Variants in SLC2A5 observed in about 807,000 individuals in gnomAD.
SLC2A5 encodes solute carrier family 2 member 5.
In SLC2A5, 56 loss-of-function variants were observed where a neutral mutation model predicts 50.3. The observed-to-expected ratio is 1.11, with a 90% CI of 0.90 to 1.39. The LOEUF (loss-of-function observed/expected upper bound fraction) is 1.39. Among genes scored for constraint, SLC2A5 ranks in the 40% most tolerant of loss-of-function variants. The probability of loss-of-function intolerance (pLI) is 0.00; values close to 1 mark genes in which losing one functional copy is unlikely to be tolerated. For missense variants in SLC2A5, 566 were observed against 650.1 expected (o/e 0.87, Z 1.41); for synonymous variants, 269 against 281.9 (o/e 0.95, Z 0.46).
intron 1 of SLC2A5, among the ~76,000 whole-genome samples, chr1:9,063,054 AT>A (rs1173615583): frequency 6.6e-6 from 1 of 152,174 alleles, no homozygotes; most frequent in Non-Finnish European, 1.5e-5. Context: ...AAGACTTGCT[AT>A]CCCATGAGGC....
chr1:9,084,087 T>C (rs1263489901), intron 2 of SLC2A5, among the ~76,000 whole-genome samples: 1 of 151,624 alleles, frequency 6.6e-6, no homozygotes, highest in Admixed American at 6.6e-5. Context: ...GAGATTGCAG[T>C]GAGCCGAGAT....
chr1:9,069,682 T>A (rs2124457255), upstream of SLC2A5: 12 of 820,264 alleles, frequency 1.5e-5, no homozygotes, highest in South Asian at 1.9e-4. Flanking sequence ...TAAGTCAGAA[T>A]AACCCTTTCA....
intron 1 of SLC2A5, among the ~76,000 whole-genome samples, chr1:9,067,781 G>A (rs138513054): frequency 1.2e-4 from 18 of 152,284 alleles, no homozygotes; most frequent in East Asian, 1.9e-4. Context: ...AGCCAGGGAC[G>A]CGGCTAAACA....
chr1:9,055,980 TTATCAGACTCCTAAG>T (rs1641740552), intron 3 of SLC2A5, among the ~76,000 whole-genome samples: 1 of 152,178 alleles, frequency 6.6e-6, no homozygotes, highest in African/African-American at 2.4e-5. Context: ...CAAATAGTGT[TTATCAGACTCCTAAG>T]TAGACAGCTC....
intron 1 of SLC2A5, among the ~76,000 whole-genome samples, chr1:9,087,184 A>C (rs1642410452): frequency 6.6e-6 from 1 of 150,856 alleles, no homozygotes; most frequent in South Asian, 2.1e-4. Context: ...CTGTCAAGCC[A>C]CATTTTGTGT....
At chr1:9,058,116 C>T (rs144847159) in intron 2 of SLC2A5, 36 bp downstream of exon 2, 143 of 1,517,080 alleles carry the variant, frequency 9.4e-5, no homozygotes, top group Middle Eastern at 1.7e-4. Flanking sequence ...CTGCTCCAAA[C>T]GTCCTCCCCA....
chr1:9,069,436 C>T (rs1030559269), intron 1 of SLC2A5, 68 bp downstream of exon 1: 2 of 1,565,020 alleles, frequency 1.3e-6, no homozygotes, highest in Non-Finnish European at 1.8e-6. Flanking sequence ...AGCGACTCTC[C>T]AGGAAGGCTG....
intron 3 of SLC2A5, among the ~76,000 whole-genome samples, chr1:9,053,211 A>C (rs1198795689): frequency 2.8e-5 from 2 of 72,536 alleles, no homozygotes; most frequent in Non-Finnish European, 4.8e-5. Flanking sequence ...TATTATATTT[A>C]TATATTATAT....
intron 1 of SLC2A5, among the ~76,000 whole-genome samples, chr1:9,085,670 C>A (rs895901539): frequency 6.6e-6 from 1 of 152,160 alleles, no homozygotes; most frequent in African/African-American, 2.4e-5. Flanking sequence ...GTTTTAAGAG[C>A]CCTGACTGAG....
intron 3 of SLC2A5, among the ~76,000 whole-genome samples, chr1:9,050,800 C>T (rs904765778): frequency 6.6e-6 from 1 of 152,092 alleles, no homozygotes; most frequent in Non-Finnish European, 1.5e-5. Flanking sequence ...AGTCTTAATA[C>T]CTGACAAAAT....
Position 9,041,594 on chromosome 1 carries a change from C to T in SLC2A5, c.571+191G>A, listed in dbSNP as rs1382582784. ...ACTAGATAGTAAACGCTGGCCAGTC[C>T]CTTATCGCGCCTTTGTCCATGGCCT... On this transcript the variant is annotated intron_variant, in intron 5 of 11. Transcript: ENST00000377424. 5.5e-6 allele frequency: 8 copies of T among 1,442,500 alleles called. No individual in the cohort carries two copies. The East Asian group carries it at 1.8e-4, about 32-fold the overall frequency. 89.4% of individuals were successfully genotyped at this position (1,442,500 alleles called of 1,614,324 possible).
In SLC2A5 at chr1:9,040,164, G is replaced by A. The variant is rs760105615; in HGVS notation, c.597C>T (p.Thr199=). The change falls in exon 6 of 12, where the codon ACC becomes ACT. Residue 199 remains threonine, a synonymous_variant. Coordinates refer to ENST00000377424, the MANE Select transcript of SLC2A5 (RefSeq NM_003039.3). The surrounding 1 kb of genome is among the most constrained non-coding windows in gnomAD (Gnocchi z 4.3). The part of the protein sequence containing the change: ...VDGWPILLGL[T]GVPAALQLLL... ...GGAGCTGCAGCGCCGCGGGGACCCC[G>A]GTCAGCCCCAGCAGGATCGGCCAGC... 3.9e-6 allele frequency: 6 copies of A among 1,556,134 alleles called. No individual in the cohort carries two copies. The highest frequency in any genetic ancestry group is 2.7e-5 in the African/African-American group (2 of 73,420).
chr1:9,083,652 A>G (rs1418692438), intron 2 of SLC2A5, among the ~76,000 whole-genome samples: 1 of 151,838 alleles, frequency 6.6e-6, no homozygotes, highest in African/African-American at 2.4e-5. Context: ...GTGAAACCCC[A>G]TCTCTGCTAA....
chr1:9,060,085 C>A (rs371471422), intron 1 of SLC2A5, among the ~76,000 whole-genome samples: 2 of 126,816 alleles, frequency 1.6e-5, no homozygotes, highest in Non-Finnish European at 3.3e-5. Flanking sequence ...CACACACACA[C>A]TACACACACA....
chr1:9,092,632 TC>T (rs1642471249), upstream of SLC2A5, among the ~76,000 whole-genome samples: 1 of 152,214 alleles, frequency 6.6e-6, no homozygotes, highest in South Asian at 2.1e-4. Flanking sequence ...TGATACCTTT[TC>T]GGGATGGGTT....
intron 8 of SLC2A5, 105 bp from the exon 9 acceptor site, chr1:9,039,034 AC>A: frequency 1.5e-6 from 2 of 1,296,074 alleles, no homozygotes; most frequent in Non-Finnish European, 2.1e-6. Flanking sequence ...CCGGGTGCCC[AC>A]CCATGTGCAC....
At chr1:9,069,656 A>G, upstream of SLC2A5, 4 of 1,033,078 alleles carry the variant, frequency 3.9e-6, no homozygotes, top group Non-Finnish European at 4.5e-6. Flanking sequence ...AGCCAATAGC[A>G]TTTTTATAGC....
chr1:9,051,430 G>T (rs1236959139), intron 3 of SLC2A5, among the ~76,000 whole-genome samples: 4 of 152,128 alleles, frequency 2.6e-5, no homozygotes, highest in Non-Finnish European at 4.4e-5. Context: ...TGTCCAAAAT[G>T]TACAAAGAAC....
chr1:9,076,059 G>A (rs1013860110), intron 2 of SLC2A5, among the ~76,000 whole-genome samples: 3 of 151,790 alleles, frequency 2.0e-5, no homozygotes, highest in African/African-American at 7.3e-5. Flanking sequence ...AGATTCAAGC[G>A]ATTCTCTTGC....
Sources: gnomAD v4.1 joint callset for allele counts (sites outside exome capture counted in the v4.1 genomes callset) on GRCh38, gnomAD v4.1.1 for gene constraint, Gnocchi (gnomAD v3.1) non-coding constraint, MANE v1.5 for transcripts, NCBI Gene and HGNC (gene_info 2026-07-23, HGNC 2026-07-21) for gene names.